The following ADGRL3 variants were observed in gnomAD, a reference collection of about 807,000 sequenced individuals.
The protein encoded by ADGRL3 is adhesion G protein-coupled receptor L3.
A neutral mutation model predicts 153.5 loss-of-function variants in ADGRL3; 62 were observed. The observed-to-expected ratio is 0.40, with a 90% CI of 0.33 to 0.50. ADGRL3 has a LOEUF of 0.50. ADGRL3 is among the 20% of genes least tolerant of loss of function. The pLI, the probability that ADGRL3 is intolerant of heterozygous loss-of-function variation, is 0.47. For missense variants in ADGRL3, 1,641 were observed against 1,859.4 expected (o/e 0.88, Z 2.16); for synonymous variants, 710 against 672.5 (o/e 1.06, Z -0.86).
chr4:61,278,150 A>G (rs930134755), intron 1 of ADGRL3, among the ~76,000 whole-genome samples: 6 of 152,256 alleles, frequency 3.9e-5, no homozygotes, highest in African/African-American at 1.4e-4. Context: ...TTTTTTTTTA[A>G]GAAAAAACCT....
intron 19 of ADGRL3, among the ~76,000 whole-genome samples, chr4:61,994,861 T>A (rs902833615): frequency 6.6e-6 from 1 of 151,926 alleles, no homozygotes; most frequent in South Asian, 2.1e-4. Context: ...ATATTATATA[T>A]ACATTTGATA....
intron 1 of ADGRL3, among the ~76,000 whole-genome samples, chr4:61,337,984 C>T (rs1000681822): frequency 5.9e-5 from 9 of 152,084 alleles, no homozygotes; most frequent in Admixed American, 6.6e-5. Flanking sequence ...CATGACAGGC[C>T]GGGCACGGTG....
intron 1 of ADGRL3, among the ~76,000 whole-genome samples, chr4:61,343,141 C>T (rs974131897): frequency 6.6e-6 from 1 of 152,166 alleles, no homozygotes; most frequent in African/African-American, 2.4e-5. Flanking sequence ...CCCCCTAAAA[C>T]ACATGGGAAT....
chr4:61,728,127 C>A (rs568714722), intron 6 of ADGRL3, among the ~76,000 whole-genome samples: 1 of 152,086 alleles, frequency 6.6e-6, no homozygotes, highest in South Asian at 2.1e-4. Flanking sequence ...GATTTGTGTG[C>A]GCTTGTTTCA....
intron 21 of ADGRL3, among the ~76,000 whole-genome samples, chr4:62,013,379 C>T (rs989262479): frequency 2.0e-5 from 3 of 151,434 alleles, no homozygotes; most frequent in Non-Finnish European, 4.4e-5. Context: ...ATCTCTACTA[C>T]AAAAATACAA....
intron 2 of ADGRL3, among the ~76,000 whole-genome samples, chr4:61,466,624 T>C (rs755431034): frequency 1.7e-4 from 26 of 152,140 alleles, no homozygotes; most frequent in Non-Finnish European, 2.9e-4. Flanking sequence ...AGGTCAGAGA[T>C]TTTTCCTGTT....
chr4:61,939,008 T>C (rs1279770686), intron 15 of ADGRL3, among the ~76,000 whole-genome samples: 1 of 151,058 alleles, frequency 6.6e-6, no homozygotes. Context: ...GGGCCAGAAA[T>C]AAGATATAGG....
At chr4:61,847,095 A>G (rs894507714) in intron 9 of ADGRL3, among the ~76,000 whole-genome samples, 3 of 152,030 alleles carry the variant, frequency 2.0e-5, no homozygotes, top group East Asian at 3.9e-4. Flanking sequence ...GATGGGGACA[A>G]ATATCCAAAG....
chr4:61,817,161 C>G (rs893810509), intron 9 of ADGRL3, among the ~76,000 whole-genome samples: 2 of 149,740 alleles, frequency 1.3e-5, no homozygotes, highest in African/African-American at 2.5e-5. Context: ...CCCCCCCCCC[C>G]CACCAAGGCA....
chr4:61,276,781 A>T (rs2093480200), intron 1 of ADGRL3, among the ~76,000 whole-genome samples: 1 of 151,956 alleles, frequency 6.6e-6, no homozygotes. Context: ...TATTTTTTAT[A>T]AAAAAAATTT....
At chr4:61,852,650 T>C (rs1003435697) in intron 9 of ADGRL3, among the ~76,000 whole-genome samples, 4 of 152,164 alleles carry the variant, frequency 2.6e-5, no homozygotes, top group Admixed American at 6.5e-5. Flanking sequence ...AAATTTGTTT[T>C]GGAGTGTGAA....
chr4:61,435,489 C>A (rs2097432923), intron 2 of ADGRL3, among the ~76,000 whole-genome samples: 1 of 152,022 alleles, frequency 6.6e-6, no homozygotes, highest in African/African-American at 2.4e-5. Context: ...TTGATGAATG[C>A]ATGTGGGCCC....
At chr4:61,603,491 G>GTT (rs1460475968) in intron 5 of ADGRL3, among the ~76,000 whole-genome samples, 1 of 152,088 alleles carries the variant, frequency 6.6e-6, no homozygotes, top group Non-Finnish European at 1.5e-5. Flanking sequence ...CATGTTCTAG[G>GTT]TTAAAAGGCC....
intron 4 of ADGRL3, among the ~76,000 whole-genome samples, chr4:61,554,792 GA>G: frequency 6.6e-6 from 1 of 152,240 alleles, no homozygotes; most frequent in East Asian, 1.9e-4. Flanking sequence ...TAAACTGAGG[GA>G]AAACAGATTG....
chr4:61,387,487 C>T lies in ADGRL3; in HGVS notation c.-174+4298C>T, dbSNP rs2096751687. On this transcript the variant is annotated intron_variant, in intron 2 of 26. Coordinates refer to ENST00000683033, the MANE Select transcript of ADGRL3 (RefSeq NM_001387552.1). The stretch of plus-strand genomic sequence containing the variant: ...TTTATTTCATCTCTGCAGCCTCGAC[C>T]ATAAGAGACGACCACGCCCCAGGGG... Among the ~76,000 whole-genome samples, 6 of 152,062 alleles carry T rather than the reference C, an allele frequency of 3.9e-5. No individual in the cohort carries two copies. In the South Asian group the frequency reaches 1.2e-3, roughly 32 times the overall value.
At chr4:61,456,423 C>CTATATCTATAGATATAGA (rs2097749950) in intron 2 of ADGRL3, among the ~76,000 whole-genome samples, 2 of 50,470 alleles carry the variant, frequency 4.0e-5, no homozygotes, top group African/African-American at 1.1e-4. Flanking sequence ...ATAGATATAT[C>CTATATCTATAGATATAGA]TATATCTATA....
intron 5 of ADGRL3, among the ~76,000 whole-genome samples, chr4:61,609,364 A>G (rs1263683043): frequency 6.6e-6 from 1 of 152,118 alleles, no homozygotes; most frequent in Non-Finnish European, 1.5e-5. Flanking sequence ...TGCTGTATGT[A>G]CTATTTTGGA....
chr4:61,231,181 G>C (rs1464976147), intron 1 of ADGRL3, among the ~76,000 whole-genome samples: 1 of 152,180 alleles, frequency 6.6e-6, no homozygotes, highest in African/African-American at 2.4e-5. Context: ...AAAAATGTCA[G>C]TTGATTGTAA....
intron 2 of ADGRL3, chr4:61,427,083 C>G (rs1278116804): frequency 6.6e-6 from 1 of 151,802 alleles, no homozygotes; most frequent in Non-Finnish European, 1.5e-5. Context: ...GCCCCATGTA[C>G]AGAGTAAGGA....
Sources: allele counts gnomAD v4.1 joint callset (sites outside exome capture counted in the v4.1 genomes callset), GRCh38; gene constraint gnomAD v4.1.1; transcripts MANE v1.5; gene names NCBI Gene and HGNC (gene_info 2026-07-23, HGNC 2026-07-21).